The following CELF4 variants were observed in gnomAD, a reference collection of about 807,000 sequenced individuals.
CELF4 encodes CUG-BP- and ETR-3-like factor 4.
CELF4 carries 18 observed loss-of-function variants against 59.9 expected under a neutral mutation model. The ratio of observed to expected loss-of-function variants is 0.30; its 90% confidence interval spans 0.21 to 0.45. The LOEUF is 0.45. Among genes scored for constraint, CELF4 ranks in the 20% least tolerant of loss-of-function variants. CELF4 has a pLI of 1.00. For synonymous variants in CELF4, 261 were observed against 267.1 expected (o/e 0.98, Z 0.22); for missense variants, 456 against 689.0 (o/e 0.66, Z 3.79).
intron 3 of CELF4, among the ~76,000 whole-genome samples, chr18:37,309,339 T>C (rs2096560399): frequency 6.6e-6 from 1 of 152,160 alleles, no homozygotes; most frequent in Non-Finnish European, 1.5e-5. Flanking sequence ...TTCCCCTCCA[T>C]AAAATGGGAG....
intron 2 of CELF4, among the ~76,000 whole-genome samples, chr18:37,332,569 C>T (rs1012120174): frequency 6.6e-6 from 1 of 152,300 alleles, no homozygotes; most frequent in South Asian, 2.1e-4. Flanking sequence ...TTCCCCTCAC[C>T]TAAGGGGCAG....
At chr18:37,528,365 C>T (rs925406979) in intron 1 of CELF4, among the ~76,000 whole-genome samples, 4 of 152,100 alleles carry the variant, frequency 2.6e-5, no homozygotes, top group Non-Finnish European at 5.9e-5. Flanking sequence ...TGGATGCTCA[C>T]GGAGATATTG....
chr18:37,287,073 G>A (rs1382436032), intron 3 of CELF4, among the ~76,000 whole-genome samples: 1 of 152,178 alleles, frequency 6.6e-6, no homozygotes, highest in Non-Finnish European at 1.5e-5. Flanking sequence ...CCTTAGCCCT[G>A]GCTGCCATGG....
intron 2 of CELF4, among the ~76,000 whole-genome samples, chr18:37,414,720 A>G (rs531988279): frequency 4.8e-4 from 73 of 151,680 alleles, no homozygotes; most frequent in African/African-American, 1.7e-3. Flanking sequence ...GATGGTCTCA[A>G]TCTCCTGACC....
intron 2 of CELF4, among the ~76,000 whole-genome samples, chr18:37,325,842 G>T (rs1426037574): frequency 1.3e-5 from 2 of 152,206 alleles, no homozygotes; most frequent in African/African-American, 2.4e-5. Context: ...TAATCTGATG[G>T]TGGTCAGCAT....
At chr18:37,251,216 CG>C (rs146604355) in intron 12 of CELF4, among the ~76,000 whole-genome samples, 20,197 of 152,072 alleles carry the variant, frequency 0.13, 3,363 homozygotes, top group African/African-American at 0.4. Context: ...TGTTACTTCT[CG>C]GAGCAGTGCC....
chr18:37,524,416 T>A (rs998837830), intron 1 of CELF4, among the ~76,000 whole-genome samples: 8 of 152,154 alleles, frequency 5.3e-5, no homozygotes, highest in African/African-American at 1.9e-4. Flanking sequence ...TGCCTCCTCC[T>A]CTCTCCCACA....
intron 2 of CELF4, among the ~76,000 whole-genome samples, chr18:37,336,404 G>C (rs1278573310): frequency 6.6e-6 from 1 of 152,116 alleles, no homozygotes; most frequent in Non-Finnish European, 1.5e-5. Flanking sequence ...GGCTGGTCTT[G>C]AACTCCTGGG....
chr18:37,466,408 A>C (rs1469443509), intron 2 of CELF4, among the ~76,000 whole-genome samples: 1 of 115,554 alleles, frequency 8.7e-6, no homozygotes, highest in African/African-American at 3.4e-5. Flanking sequence ...GGGAGCTTCG[A>C]TCTTCATGGG....
intron 1 of CELF4, among the ~76,000 whole-genome samples, chr18:37,536,992 G>A (rs1017648282): frequency 1.3e-5 from 2 of 152,168 alleles, no homozygotes; most frequent in African/African-American, 4.8e-5. Flanking sequence ...CACATTCCCT[G>A]GGACTGTCCC....
chr18:37,273,421 G>C, intron 6 of CELF4: 2 of 1,216,300 alleles, frequency 1.6e-6, no homozygotes, highest in South Asian at 5.5e-5. Flanking sequence ...TAGGGGCAGA[G>C]GAGGAGACTG....
chr18:37,345,324 G>C (rs1324971741), intron 2 of CELF4, among the ~76,000 whole-genome samples: 1 of 152,214 alleles, frequency 6.6e-6, no homozygotes, highest in Non-Finnish European at 1.5e-5. Flanking sequence ...AGCATCATAA[G>C]GTGGAGGAGT....
chr18:37,301,729 C>T (rs1200100235), intron 3 of CELF4, among the ~76,000 whole-genome samples: 1 of 152,204 alleles, frequency 6.6e-6, no homozygotes, highest in Non-Finnish European at 1.5e-5. Context: ...TCTGAAGGTA[C>T]CTCCTTTAAA....
intron 6 of CELF4, 22 bp downstream of exon 6, chr18:37,274,289 G>A: frequency 6.2e-7 from 1 of 1,609,538 alleles, no homozygotes. Flanking sequence ...GAGAACCGCT[G>A]CCCGTGCGCG....
At chr18:37,304,534 C>A (rs1373065822) in intron 3 of CELF4, among the ~76,000 whole-genome samples, 1 of 151,800 alleles carries the variant, frequency 6.6e-6, no homozygotes, top group South Asian at 2.1e-4. Context: ...GACAAACCGA[C>A]CAAAGAATGA....
chr18:37,480,075 C>T (rs2099862113), intron 2 of CELF4, among the ~76,000 whole-genome samples: 1 of 152,204 alleles, frequency 6.6e-6, no homozygotes, highest in Admixed American at 6.5e-5. Context: ...GGACTGCCAG[C>T]CTCCAGAACT....
At chr18:37,464,420 T>C (rs1026619917) in intron 2 of CELF4, among the ~76,000 whole-genome samples, 16 of 152,144 alleles carry the variant, frequency 1.1e-4, no homozygotes, top group Non-Finnish European at 7.4e-5. Context: ...CCCCTCCCAC[T>C]GTTCTGGCTG....
chr18:37,460,144 G>A (rs988905775), intron 2 of CELF4, among the ~76,000 whole-genome samples: 6 of 152,112 alleles, frequency 3.9e-5, no homozygotes, highest in African/African-American at 9.7e-5. Flanking sequence ...CCCAGGGCTC[G>A]CCATGTCTGA....
At chr18:37,474,727 G>C (rs946607023) in intron 2 of CELF4, among the ~76,000 whole-genome samples, 1 of 152,248 alleles carries the variant, frequency 6.6e-6, no homozygotes, top group African/African-American at 2.4e-5. Context: ...CGGAGTTAGA[G>C]AGACAAGATT....
Sources: allele counts gnomAD v4.1 joint callset (sites outside exome capture counted in the v4.1 genomes callset), GRCh38; gene constraint gnomAD v4.1.1; transcripts MANE v1.5; gene names NCBI Gene and HGNC (gene_info 2026-07-23, HGNC 2026-07-21).